The following EFEMP1 variants were observed in gnomAD, a reference collection of about 807,000 sequenced individuals.
EFEMP1 encodes EGF-containing fibulin-like extracellular matrix protein 1.
EFEMP1 carries 18 observed loss-of-function variants against 65.7 expected under a neutral mutation model. That is an observed-to-expected ratio of 0.27 (90% CI 0.19 to 0.41). The LOEUF is 0.41. Among genes scored for constraint, EFEMP1 ranks in the 10% least tolerant of loss-of-function variants. The probability of loss-of-function intolerance (pLI) is 1.00; values close to 1 mark genes in which losing one functional copy is unlikely to be tolerated. For missense variants in EFEMP1, 469 were observed against 624.8 expected, an observed-to-expected ratio of 0.75 and a Z score of 2.66; for synonymous variants, 237 against 219.7, an observed-to-expected ratio of 1.08 and a Z score of -0.70.
chr2:55,880,562 C>T (rs952302009), intron 6 of EFEMP1, among the ~76,000 whole-genome samples: 2 of 152,182 alleles, frequency 1.3e-5, no homozygotes, highest in African/African-American at 2.4e-5. Flanking sequence ...TGGGCTGGGG[C>T]CCACATGGAA....
intron 8 of EFEMP1, among the ~76,000 whole-genome samples, chr2:55,876,150 T>C (rs1669028298): frequency 6.6e-6 from 1 of 152,132 alleles, no homozygotes; most frequent in African/African-American, 2.4e-5. Flanking sequence ...AGTCACACAG[T>C]AGCAGGAATA....
intron 5 of EFEMP1, among the ~76,000 whole-genome samples, chr2:55,913,677 A>C (rs936444994): frequency 5.3e-5 from 8 of 151,824 alleles, no homozygotes; most frequent in African/African-American, 1.9e-4. Flanking sequence ...TCTCAACTTC[A>C]TCTAGTGATT....
chr2:55,884,537 C>T (rs1219506182), intron 5 of EFEMP1, among the ~76,000 whole-genome samples: 2 of 152,182 alleles, frequency 1.3e-5, no homozygotes, highest in Non-Finnish European at 2.9e-5. Flanking sequence ...TCTACTTGCT[C>T]CTGACTTCCC....
In EFEMP1 at chr2:55,867,827, A is replaced by G. The variant is rs1197862775; in HGVS notation, c.1321-593T>C. 6.6e-6 allele frequency among the ~76,000 whole-genome samples: 1 copy of G among 152,148 alleles called. No homozygotes were observed. Among genetic ancestry groups the G allele is most frequent in the Non-Finnish European group, 1.5e-5 (1 of 68,022 alleles). On this transcript the variant is annotated intron_variant, in intron 11 of 11. Coordinates refer to ENST00000355426, the MANE Select transcript of EFEMP1 (RefSeq NM_001039348.3). The surrounding 1 kb of genome is among the most constrained non-coding windows in gnomAD (Gnocchi z 4.3). ...CCAGGCATAAATGAAAGTTTTGTAA[A>G]GTAATATGTTCAGAAGAACTGGGTG...
At chr2:55,908,763 C>T (rs942524588) in intron 5 of EFEMP1, among the ~76,000 whole-genome samples, 1 of 151,900 alleles carries the variant, frequency 6.6e-6, no homozygotes, top group African/African-American at 2.4e-5. Context: ...GATTATCTGA[C>T]CTCAAGTATC....
chr2:55,911,932 A>G (rs1453919576), intron 5 of EFEMP1, among the ~76,000 whole-genome samples: 1 of 152,246 alleles, frequency 6.6e-6, no homozygotes, highest in Non-Finnish European at 1.5e-5. Context: ...ATTGAAAAGT[A>G]AATTATGAAA....
rs184072532 is a variant in EFEMP1 at position 55,893,482 on chromosome 2, C to T, written c.518-11748G>A. Among the ~76,000 whole-genome samples, 211 of 152,198 alleles carry T rather than the reference C, an allele frequency of 1.4e-3. 1 individual carries two copies. The highest frequency in any genetic ancestry group is 0.013 in the Admixed American group (199 of 15,286). ...AGTCAAATAGGTCTCAGTTCAAATC[C>T]AAGCAACATCACGTTTTAGTTATGT... is the stretch of plus-strand genomic sequence containing the variant. On this transcript the variant is annotated intron_variant, in intron 5 of 11. Transcript: ENST00000355426.
intron 5 of EFEMP1, among the ~76,000 whole-genome samples, chr2:55,908,079 A>G (rs1376016333): frequency 5.3e-5 from 8 of 152,018 alleles, no homozygotes; most frequent in African/African-American, 7.3e-5. Context: ...TTTTCTTCTC[A>G]CTTATCTAGC....
chr2:55,900,427 A>G (rs752428550), intron 5 of EFEMP1, among the ~76,000 whole-genome samples: 3 of 151,964 alleles, frequency 2.0e-5, no homozygotes, highest in Non-Finnish European at 4.4e-5. Context: ...AACCCACTCA[A>G]CTGGCTCACA....
intron 5 of EFEMP1, among the ~76,000 whole-genome samples, chr2:55,903,377 G>T (rs1670118293): frequency 1.3e-5 from 2 of 152,198 alleles, no homozygotes; most frequent in African/African-American, 4.8e-5. Flanking sequence ...TACCCCATTT[G>T]CTGCTGCAGA....
intron 5 of EFEMP1, among the ~76,000 whole-genome samples, chr2:55,887,704 C>A (rs1369176614): frequency 6.6e-6 from 1 of 152,136 alleles, no homozygotes; most frequent in Non-Finnish European, 1.5e-5. Flanking sequence ...TCAGTTCTGG[C>A]AAAACAGATT....
In EFEMP1 at chr2:55,896,476, A is replaced by T. The variant is rs576285638; in HGVS notation, c.518-14742T>A. Among the ~76,000 whole-genome samples, 196 of 152,342 alleles carry T rather than the reference A, an allele frequency of 1.3e-3. 2 individuals are homozygous for T. The highest frequency in any genetic ancestry group is 1.9e-3 in the Non-Finnish European group (126 of 68,022). ...AAACGATGCATTACCTGTTGATTCA[A>T]TTTTTAAGGCTAGTTTGACTTCTGT... On this transcript the variant is annotated intron_variant, in intron 5 of 11. Coordinates refer to ENST00000355426, the MANE Select transcript of EFEMP1 (RefSeq NM_001039348.3).
chr2:55,875,544 G>A (rs1171090504), intron 8 of EFEMP1, among the ~76,000 whole-genome samples: 2 of 152,044 alleles, frequency 1.3e-5, no homozygotes. Flanking sequence ...AGCACAAAAA[G>A]TTTTTCTTAT....
Position 55,871,077 on chromosome 2 carries a change from C to G in EFEMP1, c.1047G>C (p.Met349Ile). 1 of 1,613,730 alleles carries G rather than the reference C, an allele frequency of 6.2e-7. No homozygotes were observed. Among genetic ancestry groups the G allele is most frequent in the Non-Finnish European group, 8.5e-7 (1 of 1,179,762 alleles). ...ETTNECREDEMCWNYHGGFRC... is the reference protein window; with the variant it reads ...ETTNECREDEICWNYHGGFRC... ...GGAAGCCGCCATGATAATTCCAACA[C>G]ATTTCATCCTCCCGGCATTCATTTG... Residue 349 changes from methionine (M) to isoleucine (I), a missense_variant, in exon 10 of 12, where the codon ATG becomes ATC. Physicochemically the swap from Met to Ile is conservative, Grantham distance 10 (BLOSUM62 1). This residue lies in a region of EFEMP1 where 399 missense variants were observed against 528.2 expected (regional missense o/e 0.76). Coordinates refer to ENST00000355426, the MANE Select transcript of EFEMP1 (RefSeq NM_001039348.3). The surrounding 1 kb of genome is among the most constrained non-coding windows in gnomAD (Gnocchi z 4.2).
rs779119825 is a variant in EFEMP1, at chr2:55,867,284, G to A, written c.1321-50C>T. The stretch of plus-strand genomic sequence containing the variant: ...GGAAGAGAATAATTTTCTTGGATTG[G>A]AGTTTCTATGCTTTGTTAGTATACC... On this transcript the variant is annotated intron_variant, in intron 11 of 11. Transcript: ENST00000355426. The surrounding 1 kb of genome is among the most constrained non-coding windows in gnomAD (Gnocchi z 4.3). 16 of 1,586,080 alleles carry A rather than the reference G, an allele frequency of 1.0e-5. No homozygotes were observed. In the Middle Eastern group the frequency reaches 5.6e-4, roughly 56 times the overall value.
At chr2:55,890,961 T>C (rs1398145545) in intron 5 of EFEMP1, among the ~76,000 whole-genome samples, 2 of 152,100 alleles carry the variant, frequency 1.3e-5, no homozygotes, top group African/African-American at 4.8e-5. Context: ...TTATTTTAAC[T>C]TTTATTTTAG....
chr2:55,905,727 G>A (rs564219977), intron 5 of EFEMP1, among the ~76,000 whole-genome samples: 2 of 152,254 alleles, frequency 1.3e-5, no homozygotes, highest in Middle Eastern at 3.4e-3. Flanking sequence ...GGGATTACAG[G>A]TGTGAGCCAC....
intron 11 of EFEMP1, among the ~76,000 whole-genome samples, chr2:55,868,477 ATTCAACC>A (rs1311504838): frequency 6.6e-6 from 1 of 152,158 alleles, no homozygotes; most frequent in Non-Finnish European, 1.5e-5. Flanking sequence ...GATGTTGGAT[ATTCAACC>A]TTCAATTTCA....
At chr2:55,880,255 C>T (rs1203294581) in intron 6 of EFEMP1, among the ~76,000 whole-genome samples, 5 of 152,114 alleles carry the variant, frequency 3.3e-5, no homozygotes, top group African/African-American at 1.2e-4. Context: ...GGGGAAGACA[C>T]ATGATTAGAT....
Sources: allele counts gnomAD v4.1 joint callset (sites outside exome capture counted in the v4.1 genomes callset), GRCh38; gene constraint gnomAD v4.1.1; regional missense constraint gnomAD v4.1.1; non-coding constraint Gnocchi (gnomAD v3.1); transcripts MANE v1.5; gene names NCBI Gene and HGNC (gene_info 2026-07-23, HGNC 2026-07-21).